Variants in CCNF observed in about 807,000 individuals in gnomAD.
CCNF encodes cyclin-F.
A neutral mutation model predicts 85.4 loss-of-function variants in CCNF; 30 were observed. The ratio of observed to expected loss-of-function variants is 0.35; its 90% CI spans 0.26 to 0.48. The LOEUF is 0.48. CCNF is among the 20% of genes least tolerant of loss of function. CCNF has a pLI of 0.99. For missense variants in CCNF, 919 were observed against 1,010.4 expected (o/e 0.91, Z 1.23); for synonymous variants, 439 against 425.1 (o/e 1.03, Z -0.40).
intron 13 of CCNF, among the ~76,000 whole-genome samples, chr16:2,450,634 C>T (rs1173218703): frequency 6.6e-6 from 1 of 152,202 alleles, no homozygotes; most frequent in Non-Finnish European, 1.5e-5. Context: ...AGGGCATCTC[C>T]CTGACCCGTG....
intron 13 of CCNF, 129 bp downstream of exon 13, chr16:2,450,044 T>G (rs1263222024): frequency 4.2e-6 from 3 of 706,378 alleles, no homozygotes; most frequent in Non-Finnish European, 7.7e-6. Context: ...CCACCTCTAC[T>G]AAAAATACAA....
In CCNF at chr16:2,438,005, G is replaced by A. The variant is rs996537554; in HGVS notation, c.541-65G>A. 7.3e-6 allele frequency: 8 copies of A among 1,103,128 alleles called. No individual in the cohort carries two copies. The African/African-American group carries it at 9.3e-5, about 13-fold the overall frequency. The allele number at this position is 1,103,128 out of a possible 1,614,324, so 68.3% of individuals were successfully genotyped here. A position where few individuals can be genotyped will look rare whatever the true frequency, so the allele number is the denominator to read the frequency against. ...GGGCATGGGACCCAAAGACAGACAA[G>A]GGAGTGGTGGCCCCCGGGCAGTTCT... On this transcript the variant is annotated intron_variant, in intron 5 of 16. Coordinates refer to ENST00000397066, the MANE Select transcript of CCNF (RefSeq NM_001761.3).
chr16:2,452,542 ATTAGAAACGTTAT>A lies in CCNF; in HGVS notation c.1488-659_1488-647del, dbSNP rs2065400739. Reference sequence around the variant, plus strand: ...TTAATTTTTTTTCCAAACAAGATAAATTAGAAACGTTATTTAGAAACTACACTTCCTTTGATTG... The same window carrying A: ...TTAATTTTTTTTCCAAACAAGATAAATTAGAAACTACACTTCCTTTGATTG... On this transcript the variant is annotated intron_variant, in intron 13 of 16. Coordinates refer to ENST00000397066, the MANE Select transcript of CCNF (RefSeq NM_001761.3). The surrounding 1 kb of genome is among the most constrained non-coding windows in gnomAD (Gnocchi z 4.1). The A allele has an allele frequency of 6.6e-6, 1 of 152,306 alleles. No homozygotes were observed. The allele number at this position is 152,306 out of a possible 1,614,324, so 9.4% of individuals were successfully genotyped here. A position where few individuals can be genotyped will look rare whatever the true frequency, so the allele number is the denominator to read the frequency against.
In CCNF at chr16:2,456,715, C is replaced by T; in HGVS notation, c.2056C>T (p.Leu686=). The change falls in exon 17 of 17, where the codon CTG becomes TTG. Residue 686 remains leucine, a synonymous_variant. Coordinates refer to ENST00000397066, the MANE Select transcript of CCNF (RefSeq NM_001761.3). This position sits in a 1 kb window ranked among gnomAD's most constrained non-coding sequence, Gnocchi z 4.5. ...CCCTGCAACCCCTGGACCCAAACCCCTGGTCCGCACCAGCCGGGAGCCAGG... is the reference window on the plus strand; with the variant it reads ...CCCTGCAACCCCTGGACCCAAACCCTTGGTCCGCACCAGCCGGGAGCCAGG... The part of the protein sequence containing the change: ...QIPATPGPKP[L]VRTSREPGKD... The T allele has an allele frequency of 6.2e-7, 1 of 1,612,870 alleles. No homozygotes were observed. The highest frequency in any genetic ancestry group is 8.5e-7 in the Non-Finnish European group (1 of 1,179,448).
intron 10 of CCNF, among the ~76,000 whole-genome samples, chr16:2,447,461 G>A (rs1202283730): frequency 6.6e-6 from 1 of 151,996 alleles, no homozygotes; most frequent in Non-Finnish European, 1.5e-5. Flanking sequence ...GTGCATGCCT[G>A]TAATCCCAGC....
chr16:2,432,097 T>C (rs2065265918), intron 2 of CCNF, among the ~76,000 whole-genome samples: 1 of 152,198 alleles, frequency 6.6e-6, no homozygotes, highest in Non-Finnish European at 1.5e-5. Flanking sequence ...CCCAAAGTGC[T>C]GGGATTACAG....
At chr16:2,442,967 A>G (rs1216753741) in intron 8 of CCNF, among the ~76,000 whole-genome samples, 1 of 102,164 alleles carries the variant, frequency 9.8e-6, no homozygotes, top group African/African-American at 4.0e-5. Flanking sequence ...ATTTTTATAT[A>G]TTTATATATT....
At position 2,453,418 on chromosome 16, in the gene CCNF, C is replaced by T; in HGVS notation, c.1596C>T (p.Ser532=). The part of the protein sequence containing the change: ...YGEISQEEVL[S]YSQLCAALGV... Reference sequence around the variant, plus strand: ...CTCTAGCTTCCCCTCAGGTGCTGAGCTACAGCCAGTTGTGTGCTGCATTAG... The same window carrying T: ...CTCTAGCTTCCCCTCAGGTGCTGAGTTACAGCCAGTTGTGTGCTGCATTAG... Residue 532 remains serine (S), a synonymous_variant, in exon 15 of 17, where the codon AGC becomes AGT. Coordinates refer to ENST00000397066, the MANE Select transcript of CCNF (RefSeq NM_001761.3). This position sits in a 1 kb window ranked among gnomAD's most constrained non-coding sequence, Gnocchi z 5.6. 1.2e-6 allele frequency: 2 copies of T among 1,614,018 alleles called. No individual in the cohort carries two copies. Among genetic ancestry groups the T allele is most frequent in the East Asian group, 2.2e-5 (1 of 44,888 alleles).
rs2065251484 is a variant in CCNF, at chr16:2,429,461, G to A, written c.-21G>A. ...GGCGCGCTCTCAGGCGGGCTCCGGC[G>A]GCAGCGACGCGAGCGCGGCGATGGG... On this transcript the variant is annotated 5_prime_UTR_variant, in exon 1 of 17. Transcript: ENST00000397066. The A allele has an allele frequency of 2.5e-6, 3 of 1,223,902 alleles. No individual in the cohort carries two copies. Among genetic ancestry groups the A allele is most frequent in the Middle Eastern group, 3.1e-4 (1 of 3,234 alleles). The allele number at this position is 1,223,902 out of a possible 1,614,324, so 75.8% of individuals were successfully genotyped here.
chr16:2,438,461 G>A (rs1236747522), intron 6 of CCNF, among the ~76,000 whole-genome samples: 1 of 152,172 alleles, frequency 6.6e-6, no homozygotes, highest in Non-Finnish European at 1.5e-5. Context: ...CCAAAATGGT[G>A]AAACCACGTC....
intron 13 of CCNF, among the ~76,000 whole-genome samples, chr16:2,450,274 C>T (rs941744684): frequency 2.2e-5 from 3 of 136,710 alleles, no homozygotes; most frequent in East Asian, 2.3e-4. Flanking sequence ...CCAAAGCGGG[C>T]GGATCACCGA....
At chr16:2,431,415 A>C in intron 2 of CCNF, 131 bp downstream of exon 2, 1 of 942,356 alleles carries the variant, frequency 1.1e-6, no homozygotes, top group South Asian at 1.6e-5. Flanking sequence ...ACGGTGGCTC[A>C]TGCCTTAATC....
At chr16:2,431,361 G>A in intron 2 of CCNF, 77 bp downstream of exon 2, 1 of 1,499,892 alleles carries the variant, frequency 6.7e-7, no homozygotes, top group Non-Finnish European at 9.1e-7. Flanking sequence ...TTAACTGTCA[G>A]AACAAAACTT....
chr16:2,442,149 G>A (rs1190164691), intron 8 of CCNF, among the ~76,000 whole-genome samples: 1 of 144,354 alleles, frequency 6.9e-6, no homozygotes, highest in African/African-American at 2.5e-5. Context: ...GGGACTACAG[G>A]CATTGCACCA....
intron 9 of CCNF, among the ~76,000 whole-genome samples, 180 bp downstream of exon 9, chr16:2,443,980 C>T (rs1385788063): frequency 5.3e-5 from 8 of 149,840 alleles, no homozygotes; most frequent in Admixed American, 2.7e-4. Flanking sequence ...AGTGCAGTGG[C>T]GCGATCTCAG....
chr16:2,443,867 C>G, intron 9 of CCNF, 67 bp downstream of exon 9: 1 of 1,492,008 alleles, frequency 6.7e-7, no homozygotes, highest in Non-Finnish European at 9.3e-7. Flanking sequence ...GGAAGGGAGC[C>G]CTTTCCACTT....
intron 13 of CCNF, among the ~76,000 whole-genome samples, chr16:2,450,725 T>A (rs1167478904): frequency 6.6e-6 from 1 of 152,218 alleles, no homozygotes; most frequent in Admixed American, 6.5e-5. Flanking sequence ...TGGCTGCTTT[T>A]GCGAATGGGG....
intron 12 of CCNF, 60 bp downstream of exon 12, chr16:2,449,522 G>A: frequency 6.6e-7 from 1 of 1,511,118 alleles, no homozygotes; most frequent in South Asian, 1.2e-5. Context: ...ATAGGAGGAG[G>A]CTGTGGGGAG....
At position 2,453,651 on chromosome 16, in the gene CCNF, C is replaced by G. The variant is rs898964566; in HGVS notation, c.1715+114C>G. 27 of 1,383,198 alleles carry G rather than the reference C, an allele frequency of 2.0e-5. No individual in the cohort carries two copies. In the African/African-American group the frequency reaches 2.4e-4, roughly 12 times the overall value. 85.7% of individuals were successfully genotyped at this position (1,383,198 alleles called of 1,614,324 possible). Reference sequence around the variant, plus strand: ...CCCCCAAGGCTTGTCAGGGGAGCAGCAGATCCCAGGACAGTGACCCTGGGA... The same window carrying G: ...CCCCCAAGGCTTGTCAGGGGAGCAGGAGATCCCAGGACAGTGACCCTGGGA... On this transcript the variant is annotated intron_variant, in intron 15 of 16. Coordinates refer to ENST00000397066, the MANE Select transcript of CCNF (RefSeq NM_001761.3). This position sits in a 1 kb window ranked among gnomAD's most constrained non-coding sequence, Gnocchi z 5.6.
Sources: gnomAD v4.1 joint callset for allele counts (sites outside exome capture counted in the v4.1 genomes callset) on GRCh38, gnomAD v4.1.1 for gene constraint, Gnocchi (gnomAD v3.1) non-coding constraint, MANE v1.5 for transcripts, NCBI Gene and HGNC (gene_info 2026-07-23, HGNC 2026-07-21) for gene names.